Variants in CCDC30 observed in about 807,000 individuals in gnomAD.
The protein encoded by CCDC30 is coiled-coil domain containing 30, also known as coiled-coil domain-containing protein 30.
A neutral mutation model predicts 100.2 loss-of-function variants in CCDC30; 70 were observed. The observed-to-expected ratio is 0.70, with a 90% CI of 0.58 to 0.85. CCDC30 has a LOEUF of 0.85. CCDC30 is among the 40% of genes least tolerant of loss of function. CCDC30 has a pLI of 0.00. For missense variants in CCDC30, 652 were observed against 771.2 expected, an observed-to-expected ratio of 0.85 and a Z score of 1.83; for synonymous variants, 233 against 269.5, an observed-to-expected ratio of 0.86 and a Z score of 1.33.
intron 6 of CCDC30, among the ~76,000 whole-genome samples, chr1:42,528,791 G>A (rs1644764096): frequency 6.6e-6 from 1 of 152,176 alleles, no homozygotes; most frequent in Non-Finnish European, 1.5e-5. Flanking sequence ...TAGAACTTAT[G>A]CTTGGAGAAG....
At chr1:42,633,673 G>A (rs1192491463) in intron 11 of CCDC30, among the ~76,000 whole-genome samples, 2 of 152,166 alleles carry the variant, frequency 1.3e-5, no homozygotes, top group African/African-American at 2.4e-5. Context: ...ACTTTGGGAA[G>A]CTGAAGTGGG....
At chr1:42,456,787 A>T in the CCDC30 span, 1 of 1,613,092 alleles carries the variant, frequency 6.2e-7, no homozygotes, top group East Asian at 2.2e-5. Flanking sequence ...AGGCCTTCCT[A>T]GCCGCCGGCT....
At chr1:42,469,197 A>G (rs1276218597) in intron 1 of CCDC30, among the ~76,000 whole-genome samples, 1 of 152,138 alleles carries the variant, frequency 6.6e-6, no homozygotes, top group Non-Finnish European at 1.5e-5. Flanking sequence ...TGGGCAACAT[A>G]TAAGACCCTC....
chr1:42,616,984 T>C (rs1646738508), intron 11 of CCDC30, among the ~76,000 whole-genome samples: 1 of 152,224 alleles, frequency 6.6e-6, no homozygotes, highest in African/African-American at 2.4e-5. Context: ...GGAAAATGCT[T>C]ATACTGTAAT....
chr1:42,584,955 C>A (rs1646040297), intron 9 of CCDC30, among the ~76,000 whole-genome samples: 1 of 152,120 alleles, frequency 6.6e-6, no homozygotes, highest in Non-Finnish European at 1.5e-5. Context: ...GAAGAGATTG[C>A]AGAGAATTGG....
intron 6 of CCDC30, among the ~76,000 whole-genome samples, chr1:42,506,947 A>T (rs1047668944): frequency 2.0e-5 from 3 of 151,892 alleles, no homozygotes; most frequent in African/African-American, 7.3e-5. Context: ...TTTTTTTTAG[A>T]TGGAATTTTG....
intron 1 of CCDC30, chr1:42,473,429 AC>A (rs995785835): frequency 1.7e-5 from 8 of 471,656 alleles, no homozygotes; most frequent in African/African-American, 2.0e-5. Flanking sequence ...CCACGTGTAG[AC>A]CTTTTTTTTT....
At chr1:42,496,165 A>G (rs1644230049) in intron 4 of CCDC30, among the ~76,000 whole-genome samples, 1 of 150,540 alleles carries the variant, frequency 6.6e-6, no homozygotes, top group African/African-American at 2.4e-5. Context: ...GTGTGTACTC[A>G]CAGGACCTCT....
At position 42,644,870 on chromosome 1, in the gene CCDC30, G is replaced by A. The variant is rs1168112060; in HGVS notation, c.1671+63G>A. On this transcript the variant is annotated intron_variant, in intron 14 of 16. Transcript: ENST00000668663. ...TGAAGTTCGGGTTGCTACGGCTGCT[G>A]TGCTGTCTCTTGCCTTCATCTTTAT... 4 of 1,036,576 alleles carry A rather than the reference G, an allele frequency of 3.9e-6. No individual in the cohort carries two copies. The African/African-American group carries it at 6.3e-5, about 16-fold the overall frequency. 64.2% of individuals were successfully genotyped at this position (1,036,576 alleles called of 1,614,324 possible). A position where few individuals can be genotyped will look rare whatever the true frequency, so the allele number is the denominator to read the frequency against.
At chr1:42,612,944 C>A (rs1646653739) in intron 11 of CCDC30, among the ~76,000 whole-genome samples, 1 of 152,060 alleles carries the variant, frequency 6.6e-6, no homozygotes, top group African/African-American at 2.4e-5. Flanking sequence ...TTATATTTTT[C>A]ATTTTTAAAT....
intron 6 of CCDC30, 26 bp downstream of exon 8, chr1:42,539,336 G>T (rs1289410039): frequency 2.6e-6 from 4 of 1,562,790 alleles, no homozygotes; most frequent in Admixed American, 3.9e-5. Context: ...GTATTTAAAT[G>T]TTCAATATTT....
intron 8 of CCDC30, among the ~76,000 whole-genome samples, chr1:42,580,264 A>G (rs1196967108): frequency 6.6e-6 from 1 of 152,190 alleles, no homozygotes; most frequent in Non-Finnish European, 1.5e-5. Context: ...CTGGCTGCCT[A>G]CTACCATTCC....
At chr1:42,561,193 T>C (rs920219186) in intron 6 of CCDC30, among the ~76,000 whole-genome samples, 3 of 152,216 alleles carry the variant, frequency 2.0e-5, no homozygotes, top group African/African-American at 7.2e-5. Context: ...TGAACATCGA[T>C]GCAAAAATCC....
At chr1:42,525,565 T>C (rs1644711453) in intron 6 of CCDC30, among the ~76,000 whole-genome samples, 1 of 152,248 alleles carries the variant, frequency 6.6e-6, no homozygotes, top group Admixed American at 6.5e-5. Context: ...TCACTGATTT[T>C]TTTCCTAGTT....
At chr1:42,654,928 G>A (rs984915649), downstream of CCDC30, among the ~76,000 whole-genome samples, 1 of 151,448 alleles carries the variant, frequency 6.6e-6, no homozygotes, top group Non-Finnish European at 1.5e-5. Context: ...GGCCATGCTG[G>A]TCTTGAACTC....
At chr1:42,581,259 T>C in intron 8 of CCDC30, 101 bp from the exon 13 acceptor site, 1 of 836,830 alleles carries the variant, frequency 1.2e-6, no homozygotes, top group Non-Finnish European at 1.9e-6. Flanking sequence ...CAGATTAATA[T>C]GTTAGCACTG....
chr1:42,626,768 C>T (rs1433820979), intron 11 of CCDC30, among the ~76,000 whole-genome samples: 3 of 152,138 alleles, frequency 2.0e-5, no homozygotes, highest in African/African-American at 7.2e-5. Context: ...GCTTCTTCCC[C>T]ATTTTCTCTT....
chr1:42,590,785 T>A (rs1188475703), intron 10 of CCDC30: 1 of 151,870 alleles, frequency 6.6e-6, no homozygotes, highest in Non-Finnish European at 1.5e-5. Flanking sequence ...ACTGGTTAAA[T>A]TGTTATGACC....
chr1:42,529,013 C>T (rs1644767521), intron 6 of CCDC30, among the ~76,000 whole-genome samples: 1 of 152,302 alleles, frequency 6.6e-6, no homozygotes, highest in African/African-American at 2.4e-5. Flanking sequence ...TTTTCCTTGT[C>T]ATCTAGACTG....
Sources: gnomAD v4.1 joint callset for allele counts (sites outside exome capture counted in the v4.1 genomes callset) on GRCh38, gnomAD v4.1.1 for gene constraint, MANE v1.5 for transcripts, NCBI Gene and HGNC (gene_info 2026-07-23, HGNC 2026-07-21) for gene names.